ABHD6: variants seen among roughly 807,000 people sequenced by gnomAD.
ABHD6 encodes the protein monoacylglycerol lipase ABHD6.
Under a neutral mutation model 38.8 loss-of-function variants are expected in ABHD6, and 33 were observed. The observed-to-expected ratio is 0.85, with a 90% CI of 0.64 to 1.14. ABHD6 has a LOEUF of 1.14. Among genes scored for constraint, ABHD6 ranks in the 50% most tolerant of loss-of-function variants. ABHD6 has a pLI of 0.00. For missense variants in ABHD6, 380 were observed against 422.6 expected, an observed-to-expected ratio of 0.90 and a Z score of 0.88; for synonymous variants, 147 against 161.6, an observed-to-expected ratio of 0.91 and a Z score of 0.69.
chr3:58,264,249 A>T (rs999838432), intron 3 of ABHD6, among the ~76,000 whole-genome samples: 10 of 152,164 alleles, frequency 6.6e-5, no homozygotes, highest in Non-Finnish European at 5.9e-5. Context: ...CAAAGTTTCT[A>T]CTTATTTCCT....
intron 1 of ABHD6, among the ~76,000 whole-genome samples, chr3:58,242,079 G>T (rs543156713): frequency 6.6e-6 from 1 of 152,154 alleles, no homozygotes; most frequent in African/African-American, 2.4e-5. Flanking sequence ...GCTGGAGCTC[G>T]CCAGGCGAGA....
In ABHD6 at chr3:58,255,648, A is replaced by T. The variant is rs921149718; in HGVS notation, c.-25-914A>T. 4.6e-5 allele frequency among the ~76,000 whole-genome samples: 7 copies of T among 151,048 alleles called. No individual in the cohort carries two copies. The East Asian group carries it at 1.4e-3, about 29-fold the overall frequency. ...CTGTCCTCCTTTTTTATTTTTATTTATTTTTTATTTTTATTTTTTGAGATA... is the reference window on the plus strand; with the variant it reads ...CTGTCCTCCTTTTTTATTTTTATTTTTTTTTTATTTTTATTTTTTGAGATA... On this transcript the variant is annotated intron_variant, in intron 2 of 9. Coordinates refer to ENST00000478253, the MANE Select transcript of ABHD6 (RefSeq NM_001320126.2).
intron 7 of ABHD6, among the ~76,000 whole-genome samples, chr3:58,276,654 A>G (rs2097448957): frequency 1.3e-5 from 2 of 152,094 alleles, no homozygotes; most frequent in Non-Finnish European, 2.9e-5. Flanking sequence ...TTTTGTTGCC[A>G]TTGCTTTTGG....
At chr3:58,260,602 A>G (rs1021377710) in intron 3 of ABHD6, among the ~76,000 whole-genome samples, 2 of 152,146 alleles carry the variant, frequency 1.3e-5, no homozygotes, top group Non-Finnish European at 2.9e-5. Context: ...AGTCACTTAT[A>G]TCCCTTAACC....
Position 58,293,677 on chromosome 3 carries a change from T to C in ABHD6, c.926T>C (p.Val309Ala). Residue 309 changes from valine to alanine, a missense_variant, in exon 10 of 10, where the codon GTG (valine) becomes GCG (alanine). Transcript: ENST00000478253. This position sits in a 1 kb window ranked among gnomAD's most constrained non-coding sequence, Gnocchi z 4.4. ...CTGGAAAACTGTGGGCACTCAGTAG[T>C]GATGGAAAGACCCAGGAAGACAGCC... is the stretch of plus-strand genomic sequence containing the variant. Reference protein sequence around the residue: ...ELLENCGHSVVMERPRKTAKL... With the variant: ...ELLENCGHSVAMERPRKTAKL... 6.2e-7 allele frequency: 1 copy of C among 1,614,164 alleles called. No homozygotes were observed. Among genetic ancestry groups the C allele is most frequent in the African/African-American group, 1.3e-5 (1 of 75,038 alleles).
At chr3:58,241,167 C>T (rs999349843) in intron 1 of ABHD6, among the ~76,000 whole-genome samples, 1 of 152,182 alleles carries the variant, frequency 6.6e-6, no homozygotes, top group Non-Finnish European at 1.5e-5. Context: ...AATTATATGG[C>T]CTCCAGTGTC....
intron 1 of ABHD6, among the ~76,000 whole-genome samples, chr3:58,247,561 A>ATTTTTTGT (rs750303349): frequency 6.6e-6 from 1 of 151,886 alleles, no homozygotes; most frequent in Non-Finnish European, 1.5e-5. Context: ...TATTGTAGTT[A>ATTTTTTGT]TTTTTTGTTT....
rs751029797 is a variant in ABHD6, at chr3:58,270,955, C to G, written c.414C>G (p.Asn138Lys). ...IHQFVECLKL[N>K]KKPFHLVGTS... ...AGTTTGTAGAATGCCTGAAGCTGAA[C>G]AAAAAACCTTTCCACCTGGTAGGCA... Residue 138 changes from asparagine to lysine, a missense_variant, in exon 6 of 10, where the codon AAC (asparagine) becomes AAG (lysine). Asn to Lys is a moderately conservative substitution (Grantham distance 94). Transcript: ENST00000478253. The G allele has an allele frequency of 1.2e-6, 2 of 1,609,856 alleles. No homozygotes were observed. The highest frequency in any genetic ancestry group is 3.4e-5 in the Admixed American group (2 of 58,560).
rs1359731607 is a variant in ABHD6 at position 58,252,232 on chromosome 3, T to TTG, written c.-26+2291_-26+2292insGT. On this transcript the variant is annotated intron_variant, in intron 2 of 9. Transcript: ENST00000478253. ...TTTTTCTTTAAATTGACTGCTTGTT[T>TTG]TTTTTTTTTTTTTTTTTTTTGGAAC... Among the ~76,000 whole-genome samples, 3 of 139,394 alleles carry TTG rather than the reference T, an allele frequency of 2.2e-5. 1 individual carries two copies. The highest frequency in any genetic ancestry group is 2.1e-4 in the Admixed American group (3 of 14,136). 91.4% of individuals were successfully genotyped at this position (139,394 alleles called of 152,430 possible). A position where few individuals can be genotyped will look rare whatever the true frequency, so the allele number is the denominator to read the frequency against.
At chr3:58,290,961 G>A (rs1400929916) in intron 9 of ABHD6, among the ~76,000 whole-genome samples, 4 of 151,562 alleles carry the variant, frequency 2.6e-5, no homozygotes, top group African/African-American at 7.3e-5. Context: ...GACGCTCCTC[G>A]CTTCCTAGAT....
chr3:58,254,968 T>A (rs1480650792), intron 2 of ABHD6, among the ~76,000 whole-genome samples: 1 of 152,076 alleles, frequency 6.6e-6, no homozygotes, highest in Non-Finnish European at 1.5e-5. Context: ...TCCTTCCACC[T>A]CTGCCTCCCA....
At chr3:58,286,168 C>T (rs9826922) in intron 9 of ABHD6, among the ~76,000 whole-genome samples, 14,077 of 152,162 alleles carry the variant, frequency 0.093, 759 homozygotes, top group African/African-American at 0.13. Flanking sequence ...TACAGGCACC[C>T]GCCACCATGC....
At chr3:58,290,301 C>A (rs1365170703) in intron 9 of ABHD6, among the ~76,000 whole-genome samples, 1 of 139,560 alleles carries the variant, frequency 7.2e-6, no homozygotes, top group African/African-American at 2.7e-5. Context: ...GGGGCTGACC[C>A]CCCCCACCTC....
At chr3:58,277,452 C>G (rs993605947) in intron 7 of ABHD6, among the ~76,000 whole-genome samples, 11 of 152,154 alleles carry the variant, frequency 7.2e-5, no homozygotes, top group Non-Finnish European at 1.2e-4. Context: ...GATTTTTGCA[C>G]ATTGATTTTG....
intron 9 of ABHD6, among the ~76,000 whole-genome samples, chr3:58,290,965 C>A (rs1256701824): frequency 6.6e-6 from 1 of 152,038 alleles, no homozygotes; most frequent in East Asian, 1.9e-4. Flanking sequence ...CTCCTCGCTT[C>A]CTAGATGGGG....
At chr3:58,264,376 G>T in intron 3 of ABHD6, among the ~76,000 whole-genome samples, 2 of 136,144 alleles carry the variant, frequency 1.5e-5, no homozygotes, top group Admixed American at 7.9e-5. Context: ...TTTATAACTG[G>T]TTATATAAAC....
chr3:58,261,819 G>A (rs962227813), intron 3 of ABHD6, among the ~76,000 whole-genome samples: 1 of 152,136 alleles, frequency 6.6e-6, no homozygotes, highest in African/African-American at 2.4e-5. Context: ...TACATTTAAC[G>A]TAACATCCAG....
At chr3:58,278,763 C>G (rs940826922) in intron 7 of ABHD6, among the ~76,000 whole-genome samples, 2 of 152,212 alleles carry the variant, frequency 1.3e-5, no homozygotes, top group Non-Finnish European at 2.9e-5. Context: ...CCTCTACACA[C>G]TGCTTTAAAT....
intron 9 of ABHD6, among the ~76,000 whole-genome samples, chr3:58,291,392 GGGGAGA>G (rs546808644): frequency 0.017 from 2,574 of 151,854 alleles, 37 homozygotes; most frequent in Middle Eastern, 0.038. Context: ...GGGAGACCGT[GGGGAGA>G]GGGAGAGGGA....
Sources: allele counts gnomAD v4.1 joint callset (sites outside exome capture counted in the v4.1 genomes callset), GRCh38; gene constraint gnomAD v4.1.1; non-coding constraint Gnocchi (gnomAD v3.1); transcripts MANE v1.5; gene names NCBI Gene and HGNC (gene_info 2026-07-23, HGNC 2026-07-21).